Variants in TIGD2 observed in about 807,000 individuals in gnomAD.
TIGD2 encodes the protein tigger transposable element derived 2.
A neutral mutation model predicts 27.0 loss-of-function variants in TIGD2; 14 were observed. That is an observed-to-expected ratio of 0.52 (90% CI 0.34 to 0.81). The LOEUF is 0.81. TIGD2 is among the 30% of genes least tolerant of loss of function. TIGD2 has a pLI of 0.01. For missense variants in TIGD2, 590 were observed against 617.3 expected (o/e 0.96, Z 0.47); for synonymous variants, 201 against 209.0 (o/e 0.96, Z 0.33).
At position 89,112,191 on chromosome 4, in the gene TIGD2, T is replaced by C. The variant is rs1721102285; in HGVS notation, c.-784T>C. The stretch of plus-strand genomic sequence containing the variant: ...ACCGAGCCTGCCACCCCATAGCCTC[T>C]ACCTTGGGTCCTCATTTCCACCGAT... On this transcript the variant is annotated 5_prime_UTR_variant, in exon 2 of 2. Transcript: ENST00000603357. 1 of 152,282 alleles carries C rather than the reference T, an allele frequency of 6.6e-6. No individual in the cohort carries two copies. The highest frequency in any genetic ancestry group is 2.4e-5 in the African/African-American group (1 of 41,464). The allele number at this position is 152,282 out of a possible 1,614,324, so 9.4% of individuals were successfully genotyped here.
rs1230984760 is a variant in TIGD2, at chr4:89,114,420, TGAATG to T, written c.1449_1453del (p.Glu483AspfsTer2). 4 of 1,613,948 alleles carry T rather than the reference TGAATG, an allele frequency of 2.5e-6. No homozygotes were observed. The highest frequency in any genetic ancestry group is 1.7e-6 in the Non-Finnish European group (2 of 1,180,024). On this transcript the variant is annotated frameshift_variant, in exon 2 of 2. Transcript: ENST00000603357. LOFTEE classifies it high-confidence loss of function. ...AGCATATTAGCCATAAAGCGGCACT[TGAATG>T]GACTGAAAATTTACTGGATTATCTT...
Position 89,113,408 on chromosome 4 carries a change from TAAAAGG to T in TIGD2, c.436_441del (p.Lys146_Gly147del). 6.2e-7 allele frequency: 1 copy of T among 1,614,048 alleles called. No homozygotes were observed. Among genetic ancestry groups the T allele is most frequent in the East Asian group, 2.2e-5 (1 of 44,882 alleles). On this transcript the variant is annotated inframe_deletion, in exon 2 of 2. Coordinates refer to ENST00000603357, the MANE Select transcript of TIGD2 (RefSeq NM_145715.3). Reference sequence around the variant, plus strand: ...AAGGCTGCTGGTAAAGGAACAAAATTAAAAGGAGATGAAACTGCTGCCAGAGAATTT... The same window carrying T: ...AAGGCTGCTGGTAAAGGAACAAAATTAGATGAAACTGCTGCCAGAGAATTT...
chr4:89,114,259 G>T lies in TIGD2; in HGVS notation c.1285G>T (p.Asp429Tyr), dbSNP rs1474654061. 2 of 1,614,122 alleles carry T rather than the reference G, an allele frequency of 1.2e-6. No homozygotes were observed. Among genetic ancestry groups the T allele is most frequent in the East Asian group, 4.5e-5 (2 of 44,888 alleles). ...TGAACATGTTGACATTGAGAATATT[G>T]ATCAGTGGTTCGACTCTCGGAGCAG... ...ECEHVDIENI[D>Y]QWFDSRSSDS... Residue 429 changes from aspartate (D) to tyrosine (Y), a missense_variant, in exon 2 of 2, where the codon GAT becomes TAT. Asp to Tyr is a radical substitution (Grantham distance 160). This residue lies in a region of TIGD2 where 451 missense variants were observed against 448.0 expected (regional missense o/e 1.01). Coordinates refer to ENST00000603357, the MANE Select transcript of TIGD2 (RefSeq NM_145715.3).
rs776982158 is a variant in TIGD2, at chr4:89,113,703, A to G, written c.729A>G (p.Ser243=). The G allele has an allele frequency of 1.9e-6, 3 of 1,614,226 alleles. No homozygotes were observed. Among genetic ancestry groups the G allele is most frequent in the Non-Finnish European group, 2.5e-6 (3 of 1,180,034 alleles). ...KPRAFKGTDL[S]NLPVTYYSQK... is the part of the protein sequence containing the mutation. ...GAGCATTCAAAGGCACTGACCTTTC[A>G]AACCTTCCTGTGACATATTACAGTC... is the stretch of plus-strand genomic sequence containing the variant. The change falls in exon 2 of 2, where the codon TCA becomes TCG. Residue 243 remains serine, a synonymous_variant. Transcript: ENST00000603357.
chr4:89,112,911 G>T lies in TIGD2; in HGVS notation c.-64G>T. On this transcript the variant is annotated 5_prime_UTR_variant, in exon 2 of 2. Coordinates refer to ENST00000603357, the MANE Select transcript of TIGD2 (RefSeq NM_145715.3). ...TACGAACTCATTTTCTAGTTGCTTT[G>T]TATTCAAATCTTAGTTGTTAATTAT... The T allele has an allele frequency of 7.2e-7, 1 of 1,385,374 alleles. No homozygotes were observed. Among genetic ancestry groups the T allele is most frequent in the Non-Finnish European group, 9.8e-7 (1 of 1,018,700 alleles). The allele number at this position is 1,385,374 out of a possible 1,614,324, so 85.8% of individuals were successfully genotyped here.
chr4:89,111,204 C>A (rs1721033396), upstream of TIGD2: 1 of 985,612 alleles, frequency 1.0e-6, no homozygotes. Flanking sequence ...ACGCGAGGAT[C>A]CTCCGCTTTC....
At position 89,113,096 on chromosome 4, in the gene TIGD2, C is replaced by A; in HGVS notation, c.122C>A (p.Thr41Lys). Residue 41 changes from threonine (T) to lysine (K), a missense_variant, in exon 2 of 2, where the codon ACA becomes AAA. Physicochemically the swap from Thr to Lys is moderately conservative, Grantham distance 78. Coordinates refer to ENST00000603357, the MANE Select transcript of TIGD2 (RefSeq NM_145715.3). ...GTGGTGTACGGAATTGGTGAATCCA[C>A]AGTTCGTGATATTAAAAAGAACAAA... Reference protein sequence around the residue: ...LSVVYGIGESTVRDIKKNKER... With the variant: ...LSVVYGIGESKVRDIKKNKER... 1 of 1,614,024 alleles carries A rather than the reference C, an allele frequency of 6.2e-7. No homozygotes were observed.
In TIGD2 at chr4:89,114,624, T is replaced by C. The variant is rs768260494; in HGVS notation, c.*72T>C. The C allele has an allele frequency of 1.7e-4, 247 of 1,428,942 alleles. No individual in the cohort carries two copies. The highest frequency in any genetic ancestry group is 2.2e-4 in the Non-Finnish European group (236 of 1,062,814). 88.5% of individuals were successfully genotyped at this position (1,428,942 alleles called of 1,614,324 possible). The stretch of plus-strand genomic sequence containing the variant: ...GCAGTGAAACTTTGCTTGTTTGAAG[T>C]CCTGTGGATTCCAAAGCCAAATACA... On this transcript the variant is annotated 3_prime_UTR_variant, in exon 2 of 2. Transcript: ENST00000603357.
At position 89,113,056 on chromosome 4, in the gene TIGD2, T is replaced by C. The variant is rs1296885303; in HGVS notation, c.82T>C (p.Phe28Leu). 3 of 1,612,628 alleles carry C rather than the reference T, an allele frequency of 1.9e-6. No homozygotes were observed. Among genetic ancestry groups the C allele is most frequent in the Non-Finnish European group, 2.5e-6 (3 of 1,179,650 alleles). The change falls in exon 2 of 2, where the codon TTC becomes CTC. Residue 28 changes from phenylalanine to leucine, a missense_variant. Physicochemically the swap from Phe to Leu is conservative, Grantham distance 22 (BLOSUM62 0). Transcript: ENST00000603357. ...TAAGAAACTTGAGGAAGGCATCTCT[T>C]TCAAAAAACTTTCCGTGGTGTACGG... ...IIKKLEEGIS[F>L]KKLSVVYGIG...
Position 89,112,697 on chromosome 4 carries a change from C to G in TIGD2, c.-278C>G. ...GCCTTACCAGTACAGTTTCTAGCCT[C>G]TAGTGTGATTGCACTTCATGAAAGA... On this transcript the variant is annotated 5_prime_UTR_variant, in exon 2 of 2. Coordinates refer to ENST00000603357, the MANE Select transcript of TIGD2 (RefSeq NM_145715.3). 1 of 355,160 alleles carries G rather than the reference C, an allele frequency of 2.8e-6. No homozygotes were observed. Among genetic ancestry groups the G allele is most frequent in the Non-Finnish European group, 5.0e-6 (1 of 198,182 alleles). The allele number at this position is 355,160 out of a possible 1,614,324, so 22.0% of individuals were successfully genotyped here.
rs1381397008 is a variant in TIGD2, at chr4:89,114,393, G to A, written c.1419G>A (p.Glu473=). Residue 473 remains glutamate (E), a synonymous_variant, in exon 2 of 2, where the codon GAG becomes GAA. Coordinates refer to ENST00000603357, the MANE Select transcript of TIGD2 (RefSeq NM_145715.3). ...GTAGAAAAACAGAACTGAATCCAGA[G>A]AAGCATATTAGCCATAAAGCGGCAC... ...SKSRKTELNP[E]KHISHKAALE... is the part of the protein sequence containing the mutation. 1 of 1,614,068 alleles carries A rather than the reference G, an allele frequency of 6.2e-7. No individual in the cohort carries two copies.
In TIGD2 at chr4:89,113,913, G is replaced by A. The variant is rs147691018; in HGVS notation, c.939G>A (p.Lys313=). 1.2e-6 allele frequency: 2 copies of A among 1,614,052 alleles called. No individual in the cohort carries two copies. Among genetic ancestry groups the A allele is most frequent in the Non-Finnish European group, 8.5e-7 (1 of 1,180,038 alleles). ...LSSDDGRIIV[K]YLPPNVTSLI... ...CAGATGATGGCAGAATAATTGTGAA[G>A]TATTTGCCACCAAATGTCACAAGTC... is the stretch of plus-strand genomic sequence containing the variant. The change falls in exon 2 of 2, where the codon AAG becomes AAA. Residue 313 remains lysine (K), a synonymous_variant. Coordinates refer to ENST00000603357, the MANE Select transcript of TIGD2 (RefSeq NM_145715.3).
At position 89,113,863 on chromosome 4, in the gene TIGD2, C is replaced by G. The variant is rs369434745; in HGVS notation, c.889C>G (p.Arg297Gly). 1.9e-6 allele frequency: 3 copies of G among 1,614,036 alleles called. No homozygotes were observed. The highest frequency in any genetic ancestry group is 2.5e-6 in the Non-Finnish European group (3 of 1,180,046). Reference sequence around the variant, plus strand: ...GCTTCTTTTAGATTTCCCCCCAGCACGTCCAAATGAAGAAATGTTGAGTTC... The same window carrying G: ...GCTTCTTTTAGATTTCCCCCCAGCAGGTCCAAATGAAGAAATGTTGAGTTC... The part of the protein sequence containing the change: ...AVLLLDFPPA[R>G]PNEEMLSSDD... Residue 297 changes from arginine (R) to glycine (G), a missense_variant, in exon 2 of 2, where the codon CGT becomes GGT. This residue lies in a region of TIGD2 where 451 missense variants were observed against 448.0 expected (regional missense o/e 1.01). Transcript: ENST00000603357.
chr4:89,113,917 T>C lies in TIGD2; in HGVS notation c.943T>C (p.Leu315=). 1 of 1,614,190 alleles carries C rather than the reference T, an allele frequency of 6.2e-7. No homozygotes were observed. Among genetic ancestry groups the C allele is most frequent in the Non-Finnish European group, 8.5e-7 (1 of 1,180,028 alleles). The part of the protein sequence containing the change: ...SDDGRIIVKY[L]PPNVTSLIQP... Reference sequence around the variant, plus strand: ...TGATGGCAGAATAATTGTGAAGTATTTGCCACCAAATGTCACAAGTCTGAT... The same window carrying C: ...TGATGGCAGAATAATTGTGAAGTATCTGCCACCAAATGTCACAAGTCTGAT... Residue 315 remains leucine (L), a synonymous_variant, in exon 2 of 2, where the codon TTG becomes CTG. Coordinates refer to ENST00000603357, the MANE Select transcript of TIGD2 (RefSeq NM_145715.3).
At position 89,114,307 on chromosome 4, in the gene TIGD2, A is replaced by G. The variant is rs141253259; in HGVS notation, c.1333A>G (p.Thr445Ala). 10 of 1,614,018 alleles carry G rather than the reference A, an allele frequency of 6.2e-6. No individual in the cohort carries two copies. Among genetic ancestry groups the G allele is most frequent in the African/African-American group, 2.7e-5 (2 of 74,940 alleles). The change falls in exon 2 of 2, where the codon ACT becomes GCT. Residue 445 changes from threonine to alanine, a missense_variant. Physicochemically the swap from Thr to Ala is moderately conservative, Grantham distance 58. This residue lies in a region of TIGD2 where 451 missense variants were observed against 448.0 expected (regional missense o/e 1.01). Transcript: ENST00000603357. ...CAGTGACTCAAGCTGTCAGGTGCTG[A>G]CTGACAGTGAAAGTGCTGAGGACCA... ...RSSDSSCQVL[T>A]DSESAEDQTK...
Position 89,113,069 on chromosome 4 carries a change from C to A in TIGD2, c.95C>A (p.Ser32Tyr). The change falls in exon 2 of 2, where the codon TCC becomes TAC. Residue 32 changes from serine to tyrosine, a missense_variant. By Grantham distance (144) the Ser-to-Tyr change is moderately radical (BLOSUM62 -2). Transcript: ENST00000603357. ...GAAGGCATCTCTTTCAAAAAACTTT[C>A]CGTGGTGTACGGAATTGGTGAATCC... ...LEEGISFKKL[S>Y]VVYGIGESTV... 1.2e-6 allele frequency: 2 copies of A among 1,613,134 alleles called. No individual in the cohort carries two copies. The highest frequency in any genetic ancestry group is 1.7e-6 in the Non-Finnish European group (2 of 1,179,818).
rs747229242 is a variant in TIGD2, at chr4:89,113,121, A to C, written c.147A>C (p.Lys49Asn). Residue 49 changes from lysine to asparagine, a missense_variant, in exon 2 of 2, where the codon AAA becomes AAC. Physicochemically the swap from Lys to Asn is moderately conservative, Grantham distance 94. Coordinates refer to ENST00000603357, the MANE Select transcript of TIGD2 (RefSeq NM_145715.3). ...ESTVRDIKKNKERIINYANSS... is the reference protein window; with the variant it reads ...ESTVRDIKKNNERIINYANSS... ...CAGTTCGTGATATTAAAAAGAACAA[A>C]GAAAGGATTATAAACTATGCAAACA... The C allele has an allele frequency of 1.9e-6, 3 of 1,614,080 alleles. No homozygotes were observed. The East Asian group carries it at 6.7e-5, about 36-fold the overall frequency.
rs1721171952 is a variant in TIGD2 at position 89,114,344 on chromosome 4, C to T, written c.1370C>T (p.Ala457Val). Reference protein sequence around the residue: ...SESAEDQTKAAEQKPSSKSRK... With the variant: ...SESAEDQTKAVEQKPSSKSRK... ...AGTGCTGAGGACCAGACCAAGGCTG[C>T]TGAGCAAAAGCCTTCCAGTAAGAGT... Residue 457 changes from alanine to valine, a missense_variant, in exon 2 of 2, where the codon GCT becomes GTT. Physicochemically the swap from Ala to Val is moderately conservative, Grantham distance 64. Coordinates refer to ENST00000603357, the MANE Select transcript of TIGD2 (RefSeq NM_145715.3). 6.2e-7 allele frequency: 1 copy of T among 1,613,862 alleles called. No homozygotes were observed. Among genetic ancestry groups the T allele is most frequent in the Admixed American group, 1.7e-5 (1 of 59,996 alleles).
chr4:89,111,219 C>A (rs1001897578), upstream of TIGD2: 1 of 985,302 alleles, frequency 1.0e-6, no homozygotes, highest in East Asian at 1.1e-4. Flanking sequence ...GCTTTCCCCC[C>A]AGCACTGGGG....
Sources: allele counts gnomAD v4.1 joint callset, GRCh38; gene constraint gnomAD v4.1.1; regional missense constraint gnomAD v4.1.1; transcripts MANE v1.5; gene names NCBI Gene and HGNC (gene_info 2026-07-23, HGNC 2026-07-21).